Variants in MRE11 observed in about 807,000 individuals in gnomAD.
The protein encoded by MRE11 is double-strand break repair protein MRE11.
Under a neutral mutation model 91.7 loss-of-function variants are expected in MRE11, and 62 were observed. The observed-to-expected ratio is 0.68, with a 90% CI of 0.55 to 0.84. The LOEUF (loss-of-function observed/expected upper bound fraction) is 0.84, where lower values mean the gene tolerates loss of function less well. MRE11 is among the 40% of genes least tolerant of loss of function. MRE11 has a pLI of 0.00. For missense variants in MRE11, 796 were observed against 852.9 expected (o/e 0.93, Z 0.83); for synonymous variants, 273 against 271.4 (o/e 1.01, Z -0.06).
At chr11:94,447,509 C>T in intron 14 of MRE11, 71 bp from the exon 15 acceptor site, 1 of 1,416,904 alleles carries the variant, frequency 7.1e-7, no homozygotes, top group Non-Finnish European at 9.9e-7. Context: ...TTAATTTAGG[C>T]ATTGACATGA....
At chr11:94,492,000 A>G (rs548329795) in intron 2 of MRE11, among the ~76,000 whole-genome samples, 150 of 152,320 alleles carry the variant, frequency 9.8e-4, no homozygotes, top group African/African-American at 3.4e-3. Flanking sequence ...AAAAGGTATA[A>G]TTATTCCAAT....
At position 94,461,040 on chromosome 11, in the gene MRE11, G is replaced by A; in HGVS notation, c.1226-4C>T. 6.2e-7 allele frequency: 1 copy of A among 1,606,132 alleles called. No homozygotes were observed. The highest frequency in any genetic ancestry group is 8.5e-7 in the Non-Finnish European group (1 of 1,174,882). ...TTCCCAAAGTTGATCTCTTCTCCTA[G>A]AAAAAAAGAAGTATATCAAAAAATA... On this transcript the variant is annotated splice_polypyrimidine_tract_variant and splice_region_variant and intron_variant, in intron 11 of 19. Transcript: ENST00000323929.
At position 94,419,683 on chromosome 11, in the gene MRE11, T is replaced by C. The variant is rs1061956; in HGVS notation, c.*442A>G. 6,771 of 236,576 alleles carry C rather than the reference T, an allele frequency of 0.029. 242 individuals carry two copies. The highest frequency in any genetic ancestry group is 0.094 in the African/African-American group (4,253 of 45,426). 14.7% of individuals were successfully genotyped at this position (236,576 alleles called of 1,614,324 possible). On this transcript the variant is annotated 3_prime_UTR_variant, in exon 20 of 20. Transcript: ENST00000323929. ...TAATCATTTAGTCTTATAAGAAGCA[T>C]TGGAAAAAAACATACATAGTAACAA...
In MRE11 at chr11:94,465,201, C is replaced by A. The variant is rs115173576; in HGVS notation, c.1099-962G>T. Reference sequence around the variant, plus strand: ...AATATTACTTATATGACAATATGTGCTGTTTTATGAATGAATTCGTAATTT... The same window carrying A: ...AATATTACTTATATGACAATATGTGATGTTTTATGAATGAATTCGTAATTT... On this transcript the variant is annotated intron_variant, in intron 10 of 19. Coordinates refer to ENST00000323929, the MANE Select transcript of MRE11 (RefSeq NM_005591.4). Among the ~76,000 whole-genome samples, 877 of 152,172 alleles carry A rather than the reference C, an allele frequency of 5.8e-3. 5 individuals carry two copies. The highest frequency in any genetic ancestry group is 0.019 in the African/African-American group (795 of 41,482).
chr11:94,477,774 C>T (rs1396793759), intron 6 of MRE11, among the ~76,000 whole-genome samples: 2 of 148,882 alleles, frequency 1.3e-5, no homozygotes, highest in African/African-American at 2.5e-5. Flanking sequence ...AAAAGCAATG[C>T]GGTTTAGCCA....
chr11:94,458,162 G>A (rs557222584), intron 13 of MRE11, among the ~76,000 whole-genome samples: 1 of 150,802 alleles, frequency 6.6e-6, no homozygotes, highest in East Asian at 1.9e-4. Context: ...TTAACCAAAA[G>A]CACTAAAATA....
intron 17 of MRE11, 133 bp from the exon 18 acceptor site, chr11:94,436,032 A>G: frequency 1.2e-6 from 1 of 807,468 alleles, no homozygotes; most frequent in Non-Finnish European, 2.1e-6. Context: ...GAAAGCCATA[A>G]CCATTAAAAC....
chr11:94,428,626 G>A lies in MRE11; in HGVS notation c.2070+1285C>T, dbSNP rs562398931. ...CACCTGTAATCCCAGCACTTTGGGA[G>A]GCCGAGGCAGGTGGATCATAAGGTC... On this transcript the variant is annotated intron_variant, in intron 19 of 19. Coordinates refer to ENST00000323929, the MANE Select transcript of MRE11 (RefSeq NM_005591.4). 2.0e-5 allele frequency among the ~76,000 whole-genome samples: 3 copies of A among 152,226 alleles called. No individual in the cohort carries two copies. In the South Asian group the frequency reaches 6.2e-4, roughly 32 times the overall value.
At chr11:94,484,724 C>G (rs1279324241) in intron 4 of MRE11, among the ~76,000 whole-genome samples, 1 of 152,118 alleles carries the variant, frequency 6.6e-6, no homozygotes, top group Non-Finnish European at 1.5e-5. Context: ...AATATTCTCC[C>G]CCAAAACCTG....
intron 16 of MRE11, among the ~76,000 whole-genome samples, chr11:94,444,155 C>T (rs946798625): frequency 8.5e-5 from 13 of 152,112 alleles, no homozygotes; most frequent in African/African-American, 2.9e-4. Flanking sequence ...GCAATCCGCC[C>T]GCCTCAGCCT....
chr11:94,457,598 G>A (rs1264429023), intron 13 of MRE11, among the ~76,000 whole-genome samples: 3 of 152,144 alleles, frequency 2.0e-5, no homozygotes, highest in Non-Finnish European at 4.4e-5. Context: ...ATTCACAGAA[G>A]AGAAATGAGA....
intron 12 of MRE11, among the ~76,000 whole-genome samples, chr11:94,460,178 T>C (rs1266676287): frequency 6.6e-6 from 1 of 152,178 alleles, no homozygotes; most frequent in Non-Finnish European, 1.5e-5. Flanking sequence ...GGATTCTCCC[T>C]TAGAGCCTCC....
Position 94,420,034 on chromosome 11 carries a change from A to C in MRE11, c.*91T>G, listed in dbSNP as rs774211119. 2.9e-6 allele frequency: 3 copies of C among 1,050,294 alleles called. No individual in the cohort carries two copies. The highest frequency in any genetic ancestry group is 2.5e-5 in the East Asian group (1 of 40,470). 65.1% of individuals were successfully genotyped at this position (1,050,294 alleles called of 1,614,324 possible). ...TTACTTATGGAGTTATGCTCAGGAAACAATACTTAAAATCTTAAACTGTAA... is the reference window on the plus strand; with the variant it reads ...TTACTTATGGAGTTATGCTCAGGAACCAATACTTAAAATCTTAAACTGTAA... On this transcript the variant is annotated 3_prime_UTR_variant, in exon 20 of 20. Transcript: ENST00000323929.
At chr11:94,504,970 A>C in the MRE11 span, among the ~76,000 whole-genome samples, 735 of 152,252 alleles carry the variant, frequency 4.8e-3, 7 homozygotes, top group African/African-American at 0.017. Flanking sequence ...ATAAGATTAT[A>C]ATGGAGCTAA....
At chr11:94,442,022 G>T (rs1393358941) in intron 16 of MRE11, among the ~76,000 whole-genome samples, 1 of 139,498 alleles carries the variant, frequency 7.2e-6, no homozygotes, top group Non-Finnish European at 1.5e-5. Flanking sequence ...TAATTATTCA[G>T]AATGTAGCAC....
chr11:94,479,616 G>T (rs2135089938), intron 5 of MRE11, 58 bp downstream of exon 5: 9 of 1,472,702 alleles, frequency 6.1e-6, no homozygotes, highest in Non-Finnish European at 8.5e-6. Context: ...GCTTTCCACA[G>T]ACAAACTAAA....
rs375514174 is a variant in MRE11, at chr11:94,430,704, C to T, written c.1995-718G>A. 4.6e-5 allele frequency among the ~76,000 whole-genome samples: 7 copies of T among 152,184 alleles called. No homozygotes were observed. The East Asian group carries it at 1.2e-3, about 25-fold the overall frequency. On this transcript the variant is annotated intron_variant, in intron 18 of 19. Coordinates refer to ENST00000323929, the MANE Select transcript of MRE11 (RefSeq NM_005591.4). ...CTCTATCTCCTCTATCTCTTGACCT[C>T]GTGATCCGCCCACCTCGGCCTCCCA...
chr11:94,421,842 A>G (rs1403325010), intron 19 of MRE11, among the ~76,000 whole-genome samples: 2 of 152,240 alleles, frequency 1.3e-5, no homozygotes, highest in African/African-American at 4.8e-5. Flanking sequence ...TCTATGAAGT[A>G]CCTAGAGTAG....
intron 4 of MRE11, among the ~76,000 whole-genome samples, 170 bp downstream of exon 4, chr11:94,485,754 A>C (rs112244868): frequency 2.6e-5 from 4 of 152,184 alleles, no homozygotes; most frequent in Middle Eastern, 3.4e-3. Context: ...CAGTTCCACT[A>C]TTAATTAGGA....
Sources: allele counts gnomAD v4.1 joint callset (sites outside exome capture counted in the v4.1 genomes callset), GRCh38; gene constraint gnomAD v4.1.1; transcripts MANE v1.5; gene names NCBI Gene and HGNC (gene_info 2026-07-23, HGNC 2026-07-21).